GHR: variants seen among roughly 807,000 people sequenced by gnomAD.
GHR encodes growth hormone receptor, also known as GH receptor.
A neutral mutation model predicts 67.1 loss-of-function variants in GHR; 35 were observed. That is an observed-to-expected ratio of 0.52 (90% CI 0.40 to 0.69). The LOEUF (loss-of-function observed/expected upper bound fraction) is 0.69. Among genes scored for constraint, GHR ranks in the 30% least tolerant of loss-of-function variants. The probability of loss-of-function intolerance (pLI) is 0.00; values close to 1 mark genes in which losing one functional copy is unlikely to be tolerated. For missense variants in GHR, 792 were observed against 764.6 expected (o/e 1.04, Z -0.42); for synonymous variants, 272 against 269.1 (o/e 1.01, Z -0.10).
intron 1 of GHR, chr5:42,467,767 C>T: frequency 6.5e-7 from 1 of 1,538,364 alleles, no homozygotes; most frequent in Non-Finnish European, 9.0e-7. Flanking sequence ...GAGGTTTGCA[C>T]TCTGACTAAA....
At chr5:42,576,117 AT>A (rs1251255992) in intron 2 of GHR, among the ~76,000 whole-genome samples, 1 of 121,194 alleles carries the variant, frequency 8.3e-6, no homozygotes, top group African/African-American at 3.3e-5. Flanking sequence ...ATAAAATAAA[AT>A]AAAATAAAAT....
At chr5:42,524,624 G>A (rs765480931) in intron 1 of GHR, among the ~76,000 whole-genome samples, 2 of 152,206 alleles carry the variant, frequency 1.3e-5, no homozygotes, top group Non-Finnish European at 2.9e-5. Flanking sequence ...GGAGCCTAAT[G>A]TTAATCCCCT....
chr5:42,431,652 T>C (rs1349610425), intron 1 of GHR, among the ~76,000 whole-genome samples: 1 of 152,228 alleles, frequency 6.6e-6, no homozygotes, highest in Non-Finnish European at 1.5e-5. Flanking sequence ...TCTTTTGTTG[T>C]TGATAAGACT....
At chr5:42,429,828 T>C (rs1456005493) in intron 1 of GHR, among the ~76,000 whole-genome samples, 1 of 152,214 alleles carries the variant, frequency 6.6e-6, no homozygotes, top group African/African-American at 2.4e-5. Context: ...TGATGTATTT[T>C]TTTCATAGGC....
At chr5:42,667,544 C>A (rs957266294) in intron 3 of GHR, among the ~76,000 whole-genome samples, 23 of 152,118 alleles carry the variant, frequency 1.5e-4, no homozygotes, top group African/African-American at 5.1e-4. Context: ...CAGGCATCAC[C>A]CCAATCTAAT....
chr5:42,665,959 AC>A (rs1755951513), intron 3 of GHR, among the ~76,000 whole-genome samples: 1 of 151,752 alleles, frequency 6.6e-6, no homozygotes. Context: ...CACAAGAAAA[AC>A]CTGCCCCCAT....
intron 2 of GHR, among the ~76,000 whole-genome samples, chr5:42,576,099 T>TA (rs11400007): frequency 0.14 from 9,544 of 67,396 alleles, 734 homozygotes; most frequent in South Asian, 0.25. Context: ...TAAAATAAAA[T>TA]AAATAAAATA....
chr5:42,695,192 G>T, intron 5 of GHR, 103 bp downstream of exon 5: 1 of 798,316 alleles, frequency 1.3e-6, no homozygotes, highest in South Asian at 1.4e-5. Flanking sequence ...TTGTAACAGT[G>T]TTCTATAGAT....
chr5:42,551,401 G>A (rs1008087200), intron 1 of GHR, among the ~76,000 whole-genome samples: 1 of 152,180 alleles, frequency 6.6e-6, no homozygotes, highest in African/African-American at 2.4e-5. Flanking sequence ...TTGAAGGGTA[G>A]GTAGAGTCCT....
intron 1 of GHR, among the ~76,000 whole-genome samples, chr5:42,558,615 G>A (rs1018178577): frequency 7.2e-5 from 11 of 152,202 alleles, no homozygotes; most frequent in African/African-American, 2.6e-4. Context: ...TAATATTGTG[G>A]TAAAATTGCT....
intron 2 of GHR, among the ~76,000 whole-genome samples, chr5:42,602,925 T>C (rs1752450777): frequency 6.6e-6 from 1 of 152,184 alleles, no homozygotes; most frequent in Admixed American, 6.5e-5. Flanking sequence ...CTACCACTGT[T>C]ATAGTAATAC....
intron 1 of GHR, among the ~76,000 whole-genome samples, chr5:42,469,636 C>G (rs1744908331): frequency 6.6e-6 from 1 of 152,190 alleles, no homozygotes; most frequent in Non-Finnish European, 1.5e-5. Context: ...ACCAGCCAGT[C>G]TCCCAGACCC....
chr5:42,693,983 A>G (rs1757548750), intron 4 of GHR, among the ~76,000 whole-genome samples: 1 of 152,140 alleles, frequency 6.6e-6, no homozygotes, highest in African/African-American at 2.4e-5. Flanking sequence ...TACCACACTC[A>G]TGCCCATACT....
At chr5:42,579,177 TA>T (rs1343991985) in intron 2 of GHR, among the ~76,000 whole-genome samples, 3 of 149,322 alleles carry the variant, frequency 2.0e-5, no homozygotes, top group South Asian at 2.1e-4. Context: ...GATAGATAGA[TA>T]GATAGATAGA....
chr5:42,658,126 C>G (rs1487558263), intron 3 of GHR, among the ~76,000 whole-genome samples: 1 of 152,114 alleles, frequency 6.6e-6, no homozygotes, highest in Non-Finnish European at 1.5e-5. Flanking sequence ...TATCTCAAAT[C>G]AAGTACAGGA....
At chr5:42,690,499 T>C (rs181079743) in intron 4 of GHR, among the ~76,000 whole-genome samples, 6 of 152,328 alleles carry the variant, frequency 3.9e-5, no homozygotes, top group African/African-American at 1.2e-4. Flanking sequence ...GTGATAATTT[T>C]AAAATAATTA....
chr5:42,687,690 GT>G (rs1426062283), intron 3 of GHR, among the ~76,000 whole-genome samples: 1 of 152,146 alleles, frequency 6.6e-6, no homozygotes. Flanking sequence ...GGAATCATGA[GT>G]TTTTATGCAT....
At chr5:42,431,867 G>T (rs1283699539) in intron 1 of GHR, among the ~76,000 whole-genome samples, 3 of 152,160 alleles carry the variant, frequency 2.0e-5, no homozygotes, top group Non-Finnish European at 4.4e-5. Flanking sequence ...TCAAGAGTTT[G>T]CAAATTGAAA....
At chr5:42,705,378 A>G (rs1207041652) in intron 6 of GHR, among the ~76,000 whole-genome samples, 3 of 151,948 alleles carry the variant, frequency 2.0e-5, no homozygotes, top group Non-Finnish European at 4.4e-5. Flanking sequence ...TTTTTGTCTC[A>G]AGATATTTTT....
Sources: gnomAD v4.1 joint callset for allele counts (sites outside exome capture counted in the v4.1 genomes callset) on GRCh38, gnomAD v4.1.1 for gene constraint, MANE v1.5 for transcripts, NCBI Gene and HGNC (gene_info 2026-07-23, HGNC 2026-07-21) for gene names.